ARMC2: variants seen among roughly 807,000 people sequenced by gnomAD.
ARMC2 encodes the protein armadillo repeat containing 2.
In ARMC2, 67 loss-of-function variants were observed where a neutral mutation model predicts 90.3. That is an observed-to-expected ratio of 0.74 (90% CI 0.61 to 0.91). ARMC2 has a LOEUF of 0.91. ARMC2 is among the 40% of genes least tolerant of loss of function. The pLI, the probability that ARMC2 is intolerant of heterozygous loss-of-function variation, is 0.00. For missense variants in ARMC2, 920 were observed against 1,030.9 expected, an observed-to-expected ratio of 0.89 and a Z score of 1.47; for synonymous variants, 393 against 393.0, an observed-to-expected ratio of 1.00 and a Z score of 0.00.
intron 10 of ARMC2, 22 bp downstream of exon 10, chr6:108,912,580 G>A (rs750445206): frequency 3.2e-6 from 5 of 1,576,514 alleles, no homozygotes; most frequent in Middle Eastern, 1.7e-4. Context: ...ACTTGAAAAC[G>A]TTAGATGTGT....
intron 4 of ARMC2, among the ~76,000 whole-genome samples, chr6:108,873,388 G>A (rs552216159): frequency 1.2e-4 from 18 of 152,286 alleles, no homozygotes; most frequent in African/African-American, 4.3e-4. Context: ...GTGCACAGCT[G>A]TGTTGTGATC....
chr6:108,938,425 T>C (rs1033295349), intron 12 of ARMC2, among the ~76,000 whole-genome samples: 1 of 151,804 alleles, frequency 6.6e-6, no homozygotes, highest in Non-Finnish European at 1.5e-5. Context: ...ATTTTTTTTT[T>C]TTTTTTTGGT....
At chr6:109,037,861 C>A in the ARMC2 span, among the ~76,000 whole-genome samples, 5 of 151,972 alleles carry the variant, frequency 3.3e-5, no homozygotes, top group African/African-American at 1.2e-4. Context: ...GATACCTAGT[C>A]ATCTTCCATT....
chr6:109,003,757 A>G, the ARMC2 span, among the ~76,000 whole-genome samples: 1 of 152,204 alleles, frequency 6.6e-6, no homozygotes, highest in East Asian at 1.9e-4. Context: ...CTGTTATTCA[A>G]TATATAATTT....
At chr6:108,981,196 A>G in the ARMC2 span, among the ~76,000 whole-genome samples, 1 of 152,138 alleles carries the variant, frequency 6.6e-6, no homozygotes, top group African/African-American at 2.4e-5. Context: ...AGCCCCCTTC[A>G]TATTTATGAC....
At chr6:108,933,600 C>G (rs908991791) in intron 11 of ARMC2, among the ~76,000 whole-genome samples, 1 of 152,038 alleles carries the variant, frequency 6.6e-6, no homozygotes, top group Non-Finnish European at 1.5e-5. Flanking sequence ...TTCATAAGTA[C>G]CCTTCTGCAA....
chr6:108,911,165 A>T lies in ARMC2; in HGVS notation c.1126+164A>T, dbSNP rs1583087547. 2.6e-5 allele frequency among the ~76,000 whole-genome samples: 4 copies of T among 152,202 alleles called. No individual in the cohort carries two copies. The South Asian group carries it at 6.2e-4, about 24-fold the overall frequency. On this transcript the variant is annotated intron_variant, in intron 9 of 17. Coordinates refer to ENST00000392644, the MANE Select transcript of ARMC2 (RefSeq NM_032131.6). ...TTTACTTCATCCTTCTCTGTTTTCC[A>T]CATTCAGTTGAATGCATCCTGTGGT...
downstream of ARMC2, among the ~76,000 whole-genome samples, chr6:108,977,256 A>G (rs866021921): frequency 5.3e-5 from 8 of 152,206 alleles, no homozygotes; most frequent in Admixed American, 2.6e-4. Context: ...TATTGAGATA[A>G]TCATGTGTTT....
intron 5 of ARMC2, among the ~76,000 whole-genome samples, chr6:108,894,055 T>C (rs924259655): frequency 1.3e-5 from 2 of 152,032 alleles, no homozygotes; most frequent in Non-Finnish European, 2.9e-5. Flanking sequence ...TTTTAAACAA[T>C]TCTCGATGGT....
intron 7 of ARMC2, among the ~76,000 whole-genome samples, chr6:108,902,347 C>T (rs1385976857): frequency 1.3e-5 from 2 of 152,154 alleles, no homozygotes; most frequent in Non-Finnish European, 2.9e-5. Flanking sequence ...AAGCTAAAAA[C>T]AAGTATTCTT....
intron 5 of ARMC2, among the ~76,000 whole-genome samples, chr6:108,891,812 G>A (rs1181192240): frequency 6.6e-6 from 1 of 152,142 alleles, no homozygotes; most frequent in African/African-American, 2.4e-5. Flanking sequence ...TAGTCATGAA[G>A]TCTTTGCCCA....
chr6:109,046,288 T>C, the ARMC2 span, among the ~76,000 whole-genome samples: 2 of 151,658 alleles, frequency 1.3e-5, no homozygotes, highest in African/African-American at 4.8e-5. Flanking sequence ...TTTCGCTGTG[T>C]TGGCCGGGCC....
At chr6:109,008,369 G>A in the ARMC2 span, among the ~76,000 whole-genome samples, 1 of 152,176 alleles carries the variant, frequency 6.6e-6, no homozygotes. Flanking sequence ...AAGCGATACT[G>A]TAAGAGATTT....
chr6:109,011,023 ACT>A, the ARMC2 span, among the ~76,000 whole-genome samples: 125 of 152,236 alleles, frequency 8.2e-4, no homozygotes, highest in Non-Finnish European at 1.4e-3. Context: ...AAAAATGATG[ACT>A]CTGGTTCTAG....
At chr6:109,052,829 T>G in the ARMC2 span, among the ~76,000 whole-genome samples, 57 of 152,184 alleles carry the variant, frequency 3.7e-4, no homozygotes, top group Non-Finnish European at 7.5e-4. Flanking sequence ...GTCCCTACAC[T>G]CGACAAATAT....
the ARMC2 span, among the ~76,000 whole-genome samples, chr6:108,982,812 CTTTTTTT>C: frequency 2.1e-3 from 264 of 127,250 alleles, 1 homozygote; most frequent in Non-Finnish European, 3.5e-3. Flanking sequence ...TTGGACTTTT[CTTTTTTT>C]TTTTTTTTTT....
At chr6:109,001,457 A>C in the ARMC2 span, 2 of 1,613,736 alleles carry the variant, frequency 1.2e-6, no homozygotes, top group Admixed American at 3.3e-5. Context: ...TAAAGCATGC[A>C]TCTGTGCGTC....
At chr6:109,006,702 T>C in the ARMC2 span, among the ~76,000 whole-genome samples, 2 of 152,196 alleles carry the variant, frequency 1.3e-5, no homozygotes, top group East Asian at 3.8e-4. Context: ...TCTTGGTTTA[T>C]AAAAAGTTTC....
chr6:108,901,506 C>T (rs1190374807), intron 7 of ARMC2, among the ~76,000 whole-genome samples: 1 of 151,938 alleles, frequency 6.6e-6, no homozygotes, highest in Non-Finnish European at 1.5e-5. Flanking sequence ...ACCTCCATCT[C>T]CTGGGTTCAA....
Sources: gnomAD v4.1 joint callset for allele counts (sites outside exome capture counted in the v4.1 genomes callset) on GRCh38, gnomAD v4.1.1 for gene constraint, MANE v1.5 for transcripts, NCBI Gene and HGNC (gene_info 2026-07-23, HGNC 2026-07-21) for gene names.